CEP350: variants seen among roughly 807,000 people sequenced by gnomAD.
CEP350 encodes centrosomal protein 350, also known as centrosome-associated protein 350.
CEP350 carries 126 observed loss-of-function variants against 331.8 expected under a neutral mutation model. That is an observed-to-expected ratio of 0.38 (90% CI 0.33 to 0.44). The LOEUF is 0.44. Ranked by LOEUF, CEP350 falls within the 20% of genes least tolerant of loss-of-function variation. The pLI is 1.00. For synonymous variants in CEP350, 1,200 were observed against 1,259.5 expected (o/e 0.95, Z 1.00); for missense variants, 3,406 against 3,634.6 (o/e 0.94, Z 1.62).
intron 33 of CEP350, among the ~76,000 whole-genome samples, chr1:180,091,031 G>T (rs1660163533): frequency 6.6e-6 from 1 of 151,352 alleles, no homozygotes; most frequent in South Asian, 2.1e-4. Flanking sequence ...TCGAGACAGG[G>T]TCTCACTCTG....
rs1278281457 is a variant in CEP350, at chr1:180,033,867, C to T, written c.3731C>T (p.Ser1244Leu). The change falls in exon 16 of 38, where the codon TCA becomes TTA. Residue 1244 changes from serine to leucine, a missense_variant. Ser to Leu is a moderately radical substitution (Grantham distance 145). Around this residue, in one of 5 missense-constraint regions of CEP350, gnomAD observed 1,857 missense variants for 1,909.2 expected, o/e 0.97. Transcript: ENST00000367607. ...TTGTGGATCAAAACTTCTAGTGTCT[C>T]ATCAGATAAGGGAAGATCTCAGAAA... The part of the protein sequence containing the change: ...EDLSGHSVSV[S>L]SDKGRSQKTP... The T allele has an allele frequency of 3.1e-6, 5 of 1,613,422 alleles. No homozygotes were observed. Among genetic ancestry groups the T allele is most frequent in the South Asian group, 2.2e-5 (2 of 91,066 alleles).
intron 21 of CEP350, among the ~76,000 whole-genome samples, chr1:180,047,583 C>T (rs1371210923): frequency 6.6e-6 from 1 of 151,448 alleles, no homozygotes; most frequent in Non-Finnish European, 1.5e-5. Flanking sequence ...ATAGCGAAGC[C>T]CCATCTCTAC....
At chr1:180,018,498 C>T (rs1325452828) in intron 11 of CEP350, among the ~76,000 whole-genome samples, 2 of 152,128 alleles carry the variant, frequency 1.3e-5, no homozygotes. Context: ...TTAGTTTAGG[C>T]CCCAATAGCC....
chr1:180,110,426 G>A (rs1661410192), intron 37 of CEP350, among the ~76,000 whole-genome samples: 1 of 152,182 alleles, frequency 6.6e-6, no homozygotes, highest in African/African-American at 2.4e-5. Flanking sequence ...ACCATCATGA[G>A]GGTAAACACC....
At position 180,073,698 on chromosome 1, in the gene CEP350, G is replaced by A; in HGVS notation, c.5568-1324G>A. 3.9e-6 allele frequency: 4 copies of A among 1,037,344 alleles called. No individual in the cohort carries two copies. The South Asian group carries it at 6.1e-5, about 16-fold the overall frequency. 64.3% of individuals were successfully genotyped at this position (1,037,344 alleles called of 1,614,324 possible). A position where few individuals can be genotyped will look rare whatever the true frequency, so the allele number is the denominator to read the frequency against. On this transcript the variant is annotated intron_variant, in intron 27 of 37. Transcript: ENST00000367607. ...ATGTTCTTCAGGAAGCATATTAAAA[G>A]TTCTTCACTCAGCTCTTACGCTTTC... is the stretch of plus-strand genomic sequence containing the variant.
chr1:179,969,411 A>G (rs975632718), intron 1 of CEP350: 2 of 510,760 alleles, frequency 3.9e-6, no homozygotes, highest in Non-Finnish European at 7.8e-6. Context: ...GTGCCTATTC[A>G]GCAGTTTCCT....
intron 7 of CEP350, among the ~76,000 whole-genome samples, chr1:180,004,880 TTGCTTGCTTGCTTGCTTGCTTGCTTG>T (rs1558092910): frequency 1.5e-3 from 109 of 72,670 alleles, no homozygotes; most frequent in South Asian, 0.01. Flanking sequence ...GCTGGCTTGC[TTGCTTGCTTGCTTGCTTGCTTGCTTG>T]CTTTCTTTCT....
chr1:179,955,345 T>G (rs1233908399), intron 1 of CEP350, among the ~76,000 whole-genome samples: 1 of 152,182 alleles, frequency 6.6e-6, no homozygotes, highest in Non-Finnish European at 1.5e-5. Context: ...CACCAGTGCC[T>G]GCTGAAGACG....
At chr1:179,997,584 A>T (rs148326800) in intron 6 of CEP350, among the ~76,000 whole-genome samples, 306 of 152,204 alleles carry the variant, frequency 2.0e-3, no homozygotes, top group African/African-American at 6.9e-3. Flanking sequence ...ACATGTTAAA[A>T]ATACAGATTC....
chr1:180,019,627 A>T (rs1655187006), intron 11 of CEP350, among the ~76,000 whole-genome samples: 1 of 152,148 alleles, frequency 6.6e-6, no homozygotes, highest in Admixed American at 6.5e-5. Flanking sequence ...TGCCTTTTTA[A>T]TAGTTTTTTA....
rs1182733179 is a variant in CEP350, at chr1:180,094,433, C to T, written c.8328C>T (p.Thr2776=). ...TVNQLQQIKK[T]RDEKIQLSNQ... ...ATCAACTACAACAAATCAAAAAAAC[C>T]AGGGATGAGAAAATCCAGCTTAGCA... The change falls in exon 34 of 38, where the codon ACC becomes ACT. Residue 2776 remains threonine, a synonymous_variant. Coordinates refer to ENST00000367607, the MANE Select transcript of CEP350 (RefSeq NM_014810.5). The T allele has an allele frequency of 4.3e-6, 7 of 1,613,686 alleles. No homozygotes were observed. Among genetic ancestry groups the T allele is most frequent in the Non-Finnish European group, 5.9e-6 (7 of 1,179,752 alleles).
At chr1:180,003,146 A>G (rs1401091856) in intron 6 of CEP350, 28 bp from the exon 7 acceptor site, 1 of 1,413,826 alleles carries the variant, frequency 7.1e-7, no homozygotes, top group Non-Finnish European at 9.8e-7. Context: ...CTTTGATAAG[A>G]ATATTCTGTG....
chr1:180,026,991 A>G (rs1655718943), intron 14 of CEP350, among the ~76,000 whole-genome samples: 1 of 152,230 alleles, frequency 6.6e-6, no homozygotes, highest in South Asian at 2.1e-4. Flanking sequence ...TGCTAGATCA[A>G]ATGGTAATGC....
intron 25 of CEP350, among the ~76,000 whole-genome samples, chr1:180,061,522 T>G (rs1658230802): frequency 6.6e-6 from 1 of 152,204 alleles, no homozygotes; most frequent in Non-Finnish European, 1.5e-5. Context: ...CAAATTTATT[T>G]TTTAAAAAGG....
intron 20 of CEP350, among the ~76,000 whole-genome samples, chr1:180,043,656 G>T (rs1656914430): frequency 6.6e-6 from 1 of 152,182 alleles, no homozygotes; most frequent in African/African-American, 2.4e-5. Flanking sequence ...ATGAGATGAT[G>T]CAGGGATCAG....
chr1:180,065,404 T>C, intron 27 of CEP350, 132 bp downstream of exon 27: 1 of 897,110 alleles, frequency 1.1e-6, no homozygotes, highest in Non-Finnish European at 1.6e-6. Flanking sequence ...TTTAGCAGAA[T>C]TGTTAGATTA....
rs899626428 is a variant in CEP350, at chr1:180,020,933, A to G, written c.3159A>G (p.Pro1053=). The G allele has an allele frequency of 1.1e-5, 18 of 1,603,858 alleles. No individual in the cohort carries two copies. Among genetic ancestry groups the G allele is most frequent in the Non-Finnish European group, 1.5e-5 (18 of 1,177,594 alleles). The change falls in exon 12 of 38, where the codon CCA becomes CCG. Residue 1053 remains proline (P), a synonymous_variant. Coordinates refer to ENST00000367607, the MANE Select transcript of CEP350 (RefSeq NM_014810.5). The part of the protein sequence containing the change: ...GHIGGTQSKG[P]WEELAKGSPH... ...TAGGTGGTACACAAAGCAAAGGACCATGGGAAGAATTGGCAAAGGGAAGTC... is the reference window on the plus strand; with the variant it reads ...TAGGTGGTACACAAAGCAAAGGACCGTGGGAAGAATTGGCAAAGGGAAGTC...
intron 25 of CEP350, among the ~76,000 whole-genome samples, chr1:180,055,828 A>T (rs970128545): frequency 6.6e-6 from 1 of 152,092 alleles, no homozygotes; most frequent in South Asian, 2.1e-4. Context: ...TACAGGCATG[A>T]GCCACCTTAC....
At chr1:180,012,147 G>A (rs1017998996) in intron 9 of CEP350, 72 bp downstream of exon 9, 4 of 1,325,980 alleles carry the variant, frequency 3.0e-6, no homozygotes, top group Non-Finnish European at 4.1e-6. Context: ...GAAGGAAAAA[G>A]TACTCTTAAG....
Sources: gnomAD v4.1 joint callset for allele counts (sites outside exome capture counted in the v4.1 genomes callset) on GRCh38, gnomAD v4.1.1 for gene constraint, gnomAD v4.1.1 regional missense constraint, MANE v1.5 for transcripts, NCBI Gene and HGNC (gene_info 2026-07-23, HGNC 2026-07-21) for gene names.